NAA60: variants seen among roughly 807,000 people sequenced by gnomAD.
The protein encoded by NAA60 is N-alpha-acetyltransferase 60, NatF catalytic subunit, also known as N-alpha-acetyltransferase 60.
In NAA60, 8 loss-of-function variants were observed where a neutral mutation model predicts 26.1. The observed-to-expected ratio is 0.31, with a 90% CI of 0.18 to 0.55. The LOEUF (loss-of-function observed/expected upper bound fraction) is 0.55, where lower values mean the gene tolerates loss of function less well. NAA60 is among the 20% of genes least tolerant of loss of function. The pLI is 0.93. For missense variants in NAA60, 290 were observed against 311.3 expected (o/e 0.93, Z 0.51); for synonymous variants, 131 against 122.5 (o/e 1.07, Z -0.46).
At chr16:3,461,293 G>A (rs1256292258) in intron 2 of NAA60, among the ~76,000 whole-genome samples, 1 of 152,206 alleles carries the variant, frequency 6.6e-6, no homozygotes, top group Non-Finnish European at 1.5e-5. Context: ...CTTTCTGCAG[G>A]AAGTGGTTTG....
At chr16:3,474,559 G>A (rs547535163) in intron 2 of NAA60, among the ~76,000 whole-genome samples, 4 of 152,228 alleles carry the variant, frequency 2.6e-5, no homozygotes, top group Non-Finnish European at 1.5e-5. Flanking sequence ...TGGACGCCGC[G>A]GGCACTTCCC....
chr16:3,479,389 C>T (rs958651403), intron 3 of NAA60, 82 bp from the exon 4 acceptor site: 27 of 1,495,410 alleles, frequency 1.8e-5, no homozygotes, highest in Non-Finnish European at 2.4e-5. Context: ...GCCCAGAGCT[C>T]CCTGTGGTTC....
intron 2 of NAA60, among the ~76,000 whole-genome samples, chr16:3,449,205 T>G (rs2034672603): frequency 6.6e-6 from 1 of 152,074 alleles, no homozygotes; most frequent in African/African-American, 2.4e-5. Flanking sequence ...AAACCCCATC[T>G]CTACTAAAAA....
At chr16:3,458,050 C>A (rs550039131) in intron 2 of NAA60, 11 of 985,242 alleles carry the variant, frequency 1.1e-5, no homozygotes, top group Non-Finnish European at 1.3e-5. Flanking sequence ...CTGCCGCCTC[C>A]GTCCCGGCTG....
intron 4 of NAA60, among the ~76,000 whole-genome samples, 195 bp downstream of exon 4, chr16:3,479,795 T>C (rs1464480921): frequency 6.6e-6 from 1 of 152,136 alleles, no homozygotes; most frequent in Non-Finnish European, 1.5e-5. Flanking sequence ...TCATGGTGCG[T>C]GGGCCTCCAG....
chr16:3,444,012 C>G, intron 1 of NAA60, 175 bp downstream of exon 1: 1 of 1,277,682 alleles, frequency 7.8e-7, no homozygotes, highest in African/African-American at 1.5e-5. Context: ...ACAACGTTCA[C>G]ATCGGTGTAG....
intron 2 of NAA60, among the ~76,000 whole-genome samples, chr16:3,458,614 T>C (rs2035160327): frequency 6.6e-6 from 1 of 152,198 alleles, no homozygotes; most frequent in African/African-American, 2.4e-5. Flanking sequence ...TCGCCTGGCC[T>C]GGTCAGGGCC....
At chr16:3,460,237 C>T (rs2035292823) in intron 2 of NAA60, among the ~76,000 whole-genome samples, 1 of 152,192 alleles carries the variant, frequency 6.6e-6, no homozygotes, top group Non-Finnish European at 1.5e-5. Flanking sequence ...GGCTGTTTAT[C>T]AGACACTGTT....
In NAA60 at chr16:3,484,913, T is replaced by TC. The variant is rs1473010640; in HGVS notation, c.*60dup. The TC allele has an allele frequency of 7.1e-6, 11 of 1,547,112 alleles. No homozygotes were observed. The highest frequency in any genetic ancestry group is 9.6e-6 in the Non-Finnish European group (11 of 1,146,900). The stretch of plus-strand genomic sequence containing the variant: ...CTTCGGCCGCCCGCAGAGCCCGCCT[T>TC]CCTGTCCATCTGACCCCTTCTGTTT... On this transcript the variant is annotated 3_prime_UTR_variant, in exon 7 of 8. Coordinates refer to ENST00000407558, the MANE Select transcript of NAA60 (RefSeq NM_001083601.3).
At chr16:3,448,423 G>A (rs557074675) in intron 1 of NAA60, 48 bp from the exon 2 acceptor site, 1 of 1,468,388 alleles carries the variant, frequency 6.8e-7, no homozygotes, top group Non-Finnish European at 9.2e-7. Context: ...TTGTAGAGAT[G>A]GGATGGCCAG....
chr16:3,453,918 C>T (rs1435661841), intron 2 of NAA60, among the ~76,000 whole-genome samples: 1 of 152,102 alleles, frequency 6.6e-6, no homozygotes, highest in Non-Finnish European at 1.5e-5. Flanking sequence ...TTGCGTAGGG[C>T]CATTGGTGTC....
intron 2 of NAA60, among the ~76,000 whole-genome samples, chr16:3,454,769 C>T (rs1451112329): frequency 6.6e-6 from 1 of 152,130 alleles, no homozygotes; most frequent in Non-Finnish European, 1.5e-5. Context: ...AGGCAGGGGT[C>T]CTCTGAACTC....
At chr16:3,455,788 A>G (rs1264055769) in intron 2 of NAA60, among the ~76,000 whole-genome samples, 2 of 151,324 alleles carry the variant, frequency 1.3e-5, no homozygotes, top group South Asian at 2.1e-4. Context: ...GCTCACTGCA[A>G]CCTCCACGTC....
At chr16:3,450,219 C>T (rs944475098) in intron 2 of NAA60, 2 of 341,834 alleles carry the variant, frequency 5.9e-6, no homozygotes, top group Non-Finnish European at 1.1e-5. Flanking sequence ...TTCTGCTCTT[C>T]TGGGAGTGCT....
intron 2 of NAA60, chr16:3,458,211 T>C (rs2035112287): frequency 2.1e-6 from 2 of 942,036 alleles, no homozygotes; most frequent in Non-Finnish European, 2.5e-6. Context: ...CCGCCGGGGC[T>C]CGGACCTGCG....
At chr16:3,448,574 G>T (rs1373903249) in intron 2 of NAA60, 34 bp downstream of exon 2, 1 of 1,511,786 alleles carries the variant, frequency 6.6e-7, no homozygotes, top group East Asian at 2.5e-5. Flanking sequence ...TGCTATTAAT[G>T]ATGCCCTCAT....
chr16:3,463,587 G>A lies in NAA60; in HGVS notation c.-6-12635G>A, dbSNP rs148784096. Among the ~76,000 whole-genome samples the A allele has an allele frequency of 6.1e-3, 925 of 151,142 alleles. 14 individuals carry two copies. Among genetic ancestry groups the A allele is most frequent in the African/African-American group, 0.021 (860 of 41,136 alleles). ...AAAAAAAAAAAATGCAAGCTGGCGCGGATGCAGTGGCTGAGACCTGTAATC... is the reference window on the plus strand; with the variant it reads ...AAAAAAAAAAAATGCAAGCTGGCGCAGATGCAGTGGCTGAGACCTGTAATC... On this transcript the variant is annotated intron_variant, in intron 2 of 7. Transcript: ENST00000407558.
rs1400870296 is a variant in NAA60, at chr16:3,476,203, C to T, written c.-6-19C>T. On this transcript the variant is annotated intron_variant, in intron 2 of 7. Transcript: ENST00000407558. ...GACCAGGCTGTGAGGTGACGCGTCC[C>T]CCCCACCCTTCCCCACAGGTGTGAA... 1 of 1,558,330 alleles carries T rather than the reference C, an allele frequency of 6.4e-7. No individual in the cohort carries two copies. The highest frequency in any genetic ancestry group is 8.8e-7 in the Non-Finnish European group (1 of 1,135,642).
Position 3,476,763 on chromosome 16 carries a change from T to C in NAA60, c.110+426T>C, listed in dbSNP as rs960599984. Among the ~76,000 whole-genome samples, 5 of 152,146 alleles carry C rather than the reference T, an allele frequency of 3.3e-5. No individual in the cohort carries two copies. The South Asian group carries it at 1.0e-3, about 32-fold the overall frequency. ...TATTTTTTGATAGAGAAATCTTTTT[T>C]ACAAGATATTAAAGGAGCCTGTAAT... On this transcript the variant is annotated intron_variant, in intron 3 of 7. Coordinates refer to ENST00000407558, the MANE Select transcript of NAA60 (RefSeq NM_001083601.3).
Sources: gnomAD v4.1 joint callset for allele counts (sites outside exome capture counted in the v4.1 genomes callset) on GRCh38, gnomAD v4.1.1 for gene constraint, MANE v1.5 for transcripts, NCBI Gene and HGNC (gene_info 2026-07-23, HGNC 2026-07-21) for gene names.